Variants in SNCAIP observed in about 807,000 individuals in gnomAD.
SNCAIP encodes synuclein alpha interacting protein, also known as synphilin-1.
In SNCAIP, 43 loss-of-function variants were observed where a neutral mutation model predicts 86.7. The observed-to-expected ratio is 0.50, with a 90% CI of 0.39 to 0.64. SNCAIP has a LOEUF of 0.64. SNCAIP is among the 30% of genes least tolerant of loss of function. SNCAIP has a pLI of 0.00. For synonymous variants in SNCAIP, 417 were observed against 427.2 expected (o/e 0.98, Z 0.29); for missense variants, 981 against 1,103.1 (o/e 0.89, Z 1.57).
chr5:122,448,991 G>A (rs1554117555), intron 8 of SNCAIP, among the ~76,000 whole-genome samples: 1 of 151,194 alleles, frequency 6.6e-6, no homozygotes, highest in Non-Finnish European at 1.5e-5. Context: ...AGTCCGGCCT[G>A]GGCAAAAGAG....
rs1310188004 is a variant in SNCAIP at position 122,331,066 on chromosome 5, G to A, written c.-47+18782G>A. Among the ~76,000 whole-genome samples, 3 of 152,240 alleles carry A rather than the reference G, an allele frequency of 2.0e-5. No individual in the cohort carries two copies. The East Asian group carries it at 5.8e-4, about 29-fold the overall frequency. On this transcript the variant is annotated intron_variant, in intron 1 of 10. Transcript: ENST00000261368. The stretch of plus-strand genomic sequence containing the variant: ...TCTAATGCCACTGCTGATCTGACGG[G>A]AGGTGGCGCTTGGGAAGTAATGCCA...
intron 1 of SNCAIP, among the ~76,000 whole-genome samples, chr5:122,343,478 TC>T (rs1757991781): frequency 6.6e-6 from 1 of 152,218 alleles, no homozygotes; most frequent in Non-Finnish European, 1.5e-5. Context: ...AAGCAGTTTT[TC>T]TTAAAACTGA....
At chr5:122,350,926 G>A (rs778140118) in intron 1 of SNCAIP, among the ~76,000 whole-genome samples, 1 of 152,212 alleles carries the variant, frequency 6.6e-6, no homozygotes, top group Admixed American at 6.5e-5. Context: ...TAAGGGCTAA[G>A]ACATTCAGTG....
intron 1 of SNCAIP, among the ~76,000 whole-genome samples, chr5:122,330,117 C>CCTTTTTTTTT (rs1415466705): frequency 5.2e-5 from 5 of 96,850 alleles, no homozygotes; most frequent in African/African-American, 2.2e-4. Flanking sequence ...AACTTCATTT[C>CCTTTTTTTTT]TTTTTTTTTT....
At chr5:122,341,268 A>T (rs1226554355) in intron 1 of SNCAIP, among the ~76,000 whole-genome samples, 1 of 152,220 alleles carries the variant, frequency 6.6e-6, no homozygotes, top group East Asian at 1.9e-4. Context: ...GCTTCAGCAA[A>T]GATTTTGAAA....
At chr5:122,334,702 A>G (rs1756075975) in intron 1 of SNCAIP, among the ~76,000 whole-genome samples, 1 of 152,214 alleles carries the variant, frequency 6.6e-6, no homozygotes, top group African/African-American at 2.4e-5. Flanking sequence ...ATTTTTTTTT[A>G]AAGACCATTC....
rs1561618403 is a variant in SNCAIP at position 122,378,391 on chromosome 5, G to A, written c.-46-12698G>A. ...CGCCCACTTTTTGATGGGGTTGTTT[G>A]TTTTTTTCTTGTAAATTTGTTTGAG... On this transcript the variant is annotated intron_variant, in intron 1 of 10. Coordinates refer to ENST00000261368, the MANE Select transcript of SNCAIP (RefSeq NM_005460.4). Among the ~76,000 whole-genome samples, 3 of 132,962 alleles carry A rather than the reference G, an allele frequency of 2.3e-5. 1 individual carries two copies. Among genetic ancestry groups the A allele is most frequent in the Non-Finnish European group, 4.9e-5 (3 of 61,640 alleles). The allele number at this position is 132,962 out of a possible 152,430, so 87.2% of individuals were successfully genotyped here.
chr5:122,443,155 C>T lies in SNCAIP; in HGVS notation c.1423-1408C>T, dbSNP rs1322741396. 2.6e-5 allele frequency among the ~76,000 whole-genome samples: 4 copies of T among 152,244 alleles called. No homozygotes were observed. In the East Asian group the frequency reaches 7.7e-4, roughly 29 times the overall value. Reference sequence around the variant, plus strand: ...GAGTTGACCTTTCATGGTGAGTGATCATAAACCAAAAGGAAAACGAAGCTC... The same window carrying T: ...GAGTTGACCTTTCATGGTGAGTGATTATAAACCAAAAGGAAAACGAAGCTC... On this transcript the variant is annotated intron_variant, in intron 7 of 10. Coordinates refer to ENST00000261368, the MANE Select transcript of SNCAIP (RefSeq NM_005460.4).
intron 1 of SNCAIP, among the ~76,000 whole-genome samples, chr5:122,381,275 G>T (rs1415845628): frequency 6.9e-6 from 1 of 144,276 alleles, no homozygotes; most frequent in Non-Finnish European, 1.5e-5. Flanking sequence ...TTGTTGAATT[G>T]ATCCCTTTAC....
At chr5:122,462,014 A>G (rs1398233368) in intron 10 of SNCAIP, among the ~76,000 whole-genome samples, 4 of 152,228 alleles carry the variant, frequency 2.6e-5, no homozygotes, top group Non-Finnish European at 5.9e-5. Flanking sequence ...TTTGCAGTCA[A>G]ATACAAATGC....
At chr5:122,340,353 G>A (rs1330272829) in intron 1 of SNCAIP, among the ~76,000 whole-genome samples, 3 of 152,170 alleles carry the variant, frequency 2.0e-5, no homozygotes, top group African/African-American at 7.2e-5. Context: ...CATTGTATAT[G>A]TGAACACAGA....
chr5:122,391,623 C>G (rs1364818305), intron 2 of SNCAIP, among the ~76,000 whole-genome samples: 1 of 152,180 alleles, frequency 6.6e-6, no homozygotes, highest in Non-Finnish European at 1.5e-5. Context: ...TAAAAAGAAT[C>G]TTTCCAATCA....
At chr5:122,333,517 A>G (rs1248837718) in intron 1 of SNCAIP, among the ~76,000 whole-genome samples, 1 of 152,246 alleles carries the variant, frequency 6.6e-6, no homozygotes, top group Non-Finnish European at 1.5e-5. Context: ...TCTTTAAACC[A>G]GAGCTGATAT....
intron 1 of SNCAIP, among the ~76,000 whole-genome samples, chr5:122,315,392 C>T (rs1751498719): frequency 6.6e-6 from 1 of 152,140 alleles, no homozygotes; most frequent in Non-Finnish European, 1.5e-5. Context: ...GAACAACCTG[C>T]AATGCAAAAG....
chr5:122,419,713 A>T (rs1462722956), intron 3 of SNCAIP, among the ~76,000 whole-genome samples: 2 of 152,208 alleles, frequency 1.3e-5, no homozygotes, highest in African/African-American at 4.8e-5. Context: ...ATTTATTCAT[A>T]ATTTCCAAAA....
chr5:122,360,766 G>A (rs919801149), intron 1 of SNCAIP, among the ~76,000 whole-genome samples: 1 of 152,106 alleles, frequency 6.6e-6, no homozygotes, highest in African/African-American at 2.4e-5. Context: ...GGAGAACTCT[G>A]GGTTTTTTGG....
intron 1 of SNCAIP, among the ~76,000 whole-genome samples, chr5:122,354,027 A>G (rs1760480786): frequency 6.6e-6 from 1 of 152,198 alleles, no homozygotes; most frequent in South Asian, 2.1e-4. Flanking sequence ...ATACATGTAT[A>G]TTGAGCATGT....
chr5:122,350,510 TTTTG>T (rs984475995), intron 1 of SNCAIP, among the ~76,000 whole-genome samples: 15 of 151,572 alleles, frequency 9.9e-5, no homozygotes, highest in Admixed American at 2.6e-4. Flanking sequence ...AGTAAGGATT[TTTTG>T]TTTGTTTTTT....
chr5:122,463,672 C>A lies in SNCAIP; in HGVS notation c.*176C>A. ...AAAGAGAACCATGAAAACAATGCCTCACCAGCAGAAGAACAGAATATCAGG... is the reference window on the plus strand; with the variant it reads ...AAAGAGAACCATGAAAACAATGCCTAACCAGCAGAAGAACAGAATATCAGG... On this transcript the variant is annotated 3_prime_UTR_variant, in exon 11 of 11. Coordinates refer to ENST00000261368, the MANE Select transcript of SNCAIP (RefSeq NM_005460.4). 1 of 624,678 alleles carries A rather than the reference C, an allele frequency of 1.6e-6. No homozygotes were observed. Among genetic ancestry groups the A allele is most frequent in the Non-Finnish European group, 2.8e-6 (1 of 357,986 alleles). 38.7% of individuals were successfully genotyped at this position (624,678 alleles called of 1,614,324 possible). A position where few individuals can be genotyped will look rare whatever the true frequency, so the allele number is the denominator to read the frequency against.
Sources: gnomAD v4.1 joint callset for allele counts (sites outside exome capture counted in the v4.1 genomes callset) on GRCh38, gnomAD v4.1.1 for gene constraint, MANE v1.5 for transcripts, NCBI Gene and HGNC (gene_info 2026-07-23, HGNC 2026-07-21) for gene names.